Variants in PLAGL1 observed in about 807,000 individuals in gnomAD.
PLAGL1 encodes zinc finger protein PLAGL1.
A neutral mutation model predicts 4.6 loss-of-function variants in PLAGL1; 1 was observed. The observed-to-expected ratio is 0.22, with a 90% CI of 0.08 to 1.03. The LOEUF (loss-of-function observed/expected upper bound fraction) is 1.03, where lower values mean the gene tolerates loss of function less well. Among genes scored for constraint, PLAGL1 ranks in the 50% least tolerant of loss-of-function variants. The probability of loss-of-function intolerance (pLI) is 0.58; values close to 1 mark genes in which losing one functional copy is unlikely to be tolerated. For synonymous variants in PLAGL1, 240 were observed against 237.8 expected, an observed-to-expected ratio of 1.01 and a Z score of -0.08; for missense variants, 464 against 570.4, an observed-to-expected ratio of 0.81 and a Z score of 1.90.
Position 144,000,391 on chromosome 6 carries a change from C to A in PLAGL1, c.-584+7699G>T, listed in dbSNP as rs1317789579. Among the ~76,000 whole-genome samples the A allele has an allele frequency of 6.6e-6, 1 of 152,058 alleles. No homozygotes were observed. Among genetic ancestry groups the A allele is most frequent in the Non-Finnish European group, 1.5e-5 (1 of 67,964 alleles). ...TATAATGTTATTTATGAAGTAGTAA[C>A]TAGCTGGTTAGAAAATAAGAAACTA... is the stretch of plus-strand genomic sequence containing the variant. On this transcript the variant is annotated intron_variant, in intron 1 of 7. Coordinates refer to ENST00000674357, the MANE Select transcript of PLAGL1 (RefSeq NM_001317162.2). This position sits in a 1 kb window ranked among gnomAD's most constrained non-coding sequence, Gnocchi z 4.1.
chr6:143,985,987 T>TATAC lies in PLAGL1; in HGVS notation c.-583-814_-583-813insGTAT, dbSNP rs1789019422. On this transcript the variant is annotated intron_variant, in intron 1 of 7. Coordinates refer to ENST00000674357, the MANE Select transcript of PLAGL1 (RefSeq NM_001317162.2). This position sits in a 1 kb window ranked among gnomAD's most constrained non-coding sequence, Gnocchi z 4.4. ...CAAATTATATATATATAAAATTATA[T>TATAC]ATATATATATATATATATATATATC... Among the ~76,000 whole-genome samples the TATAC allele has an allele frequency of 1.8e-5, 1 of 57,080 alleles. No homozygotes were observed. The highest frequency in any genetic ancestry group is 1.7e-4 in the Admixed American group (1 of 5,914). The allele number at this position is 57,080 out of a possible 152,430, so 37.4% of individuals were successfully genotyped here.
intron 1 of PLAGL1, among the ~76,000 whole-genome samples, chr6:144,038,281 G>T (rs1343226226): frequency 6.6e-6 from 1 of 152,138 alleles, no homozygotes; most frequent in Non-Finnish European, 1.5e-5. Context: ...ACTACATAAG[G>T]TTGCCCTATC....
rs1020967201 is a variant in PLAGL1 at position 144,056,949 on chromosome 6, C to A, written c.-151+7519G>T. ...GTGCTGAGCCACTATGCCTGACTCT[C>A]ATTTCTTTTTAGTGCTAAATAATGT... is the stretch of plus-strand genomic sequence containing the variant. On this transcript the variant is annotated intron_variant, in intron 1 of 3. Transcript: ENST00000437412. This position sits in a 1 kb window ranked among gnomAD's most constrained non-coding sequence, Gnocchi z 4.7. Among the ~76,000 whole-genome samples the A allele has an allele frequency of 6.6e-6, 1 of 152,200 alleles. No individual in the cohort carries two copies. Among genetic ancestry groups the A allele is most frequent in the African/African-American group, 2.4e-5 (1 of 41,434 alleles).
intron 1 of PLAGL1, among the ~76,000 whole-genome samples, chr6:143,993,926 C>T (rs1791093780): frequency 6.6e-6 from 1 of 152,058 alleles, no homozygotes; most frequent in Non-Finnish European, 1.5e-5. Context: ...AGACTATCAG[C>T]TGAAGTCTTA....
intron 1 of PLAGL1, among the ~76,000 whole-genome samples, chr6:144,032,239 GC>G (rs1796887091): frequency 6.7e-6 from 1 of 148,612 alleles, no homozygotes; most frequent in Admixed American, 6.7e-5. Flanking sequence ...TCCTGCCCCA[GC>G]CTCCTGAGTA....
At chr6:144,003,144 G>A (rs552825098) in intron 1 of PLAGL1, among the ~76,000 whole-genome samples, 4 of 151,882 alleles carry the variant, frequency 2.6e-5, no homozygotes, top group African/African-American at 4.8e-5. Flanking sequence ...AAGTCCCCAC[G>A]CAATTCAATG....
rs775550363 is a variant in PLAGL1 at position 144,048,159 on chromosome 6, G to A, written c.-151+16309C>T. Among the ~76,000 whole-genome samples, 7 of 152,210 alleles carry A rather than the reference G, an allele frequency of 4.6e-5. No individual in the cohort carries two copies. Among genetic ancestry groups the A allele is most frequent in the African/African-American group, 1.2e-4 (5 of 41,454 alleles). On this transcript the variant is annotated intron_variant, in intron 1 of 3. Coordinates refer to the PLAGL1 transcript ENST00000437412. The surrounding 1 kb of genome is among the most constrained non-coding windows in gnomAD (Gnocchi z 4.8). ...GCTGATGCAAGAAGTGGGCTCCCAC[G>A]GTCTTGGGCAGCTCTGCCTCTGTGG...
At position 144,038,543 on chromosome 6, in the gene PLAGL1, AT is replaced by A. The variant is rs1290138764; in HGVS notation, c.-151+25924del. 7.9e-5 allele frequency among the ~76,000 whole-genome samples: 12 copies of A among 152,224 alleles called. No individual in the cohort carries two copies. In the East Asian group the frequency reaches 2.1e-3, roughly 27 times the overall value. On this transcript the variant is annotated intron_variant, in intron 1 of 3. Coordinates refer to the PLAGL1 transcript ENST00000437412. ...AAACCCATATGTCTGTACCCAGTAG[AT>A]TTCTGACAAGGATGCCAAGACAATT...
At chr6:144,002,074 A>G (rs912912158) in intron 1 of PLAGL1, among the ~76,000 whole-genome samples, 5 of 152,182 alleles carry the variant, frequency 3.3e-5, no homozygotes, top group Admixed American at 6.5e-5. Flanking sequence ...TGCCAATGTT[A>G]ATTTCTTAAC....
chr6:143,951,370 T>G (rs1583118091), intron 6 of PLAGL1, among the ~76,000 whole-genome samples: 1 of 152,340 alleles, frequency 6.6e-6, no homozygotes, highest in East Asian at 1.9e-4. Flanking sequence ...CTATGGATAC[T>G]ACACCATATC....
chr6:143,986,324 AAGG>A (rs1789158532), intron 1 of PLAGL1, among the ~76,000 whole-genome samples: 1 of 152,158 alleles, frequency 6.6e-6, no homozygotes. Context: ...TGTAAAATGG[AAGG>A]AGTATTTTAT....
chr6:143,973,597 T>C lies in PLAGL1; in HGVS notation c.-543-4619A>G, dbSNP rs1437877003. 6.6e-6 allele frequency among the ~76,000 whole-genome samples: 1 copy of C among 152,196 alleles called. No individual in the cohort carries two copies. Among genetic ancestry groups the C allele is most frequent in the Non-Finnish European group, 1.5e-5 (1 of 68,026 alleles). Reference sequence around the variant, plus strand: ...CTCCATCCTACAACCCTACAAGCGATAGTCTCACTGAACAATCTGCAACTT... The same window carrying C: ...CTCCATCCTACAACCCTACAAGCGACAGTCTCACTGAACAATCTGCAACTT... On this transcript the variant is annotated intron_variant, in intron 2 of 7. Coordinates refer to ENST00000674357, the MANE Select transcript of PLAGL1 (RefSeq NM_001317162.2). This position sits in a 1 kb window ranked among gnomAD's most constrained non-coding sequence, Gnocchi z 6.2.
intron 2 of PLAGL1, among the ~76,000 whole-genome samples, chr6:143,974,303 T>C (rs889211583): frequency 1.3e-5 from 2 of 151,698 alleles, no homozygotes; most frequent in Non-Finnish European, 2.9e-5. Flanking sequence ...AAATAAACAA[T>C]ATTGGAACGA....
chr6:144,023,819 C>T (rs1796145541), intron 1 of PLAGL1, among the ~76,000 whole-genome samples: 1 of 140,868 alleles, frequency 7.1e-6, no homozygotes, highest in African/African-American at 2.8e-5. Flanking sequence ...TTCTGTTGCC[C>T]AGACTGGAGT....
chr6:144,051,470 T>C (rs1029552099), intron 1 of PLAGL1, among the ~76,000 whole-genome samples: 3 of 152,228 alleles, frequency 2.0e-5, no homozygotes, highest in African/African-American at 7.2e-5. Context: ...ACTCCTGTTT[T>C]TTTCACAAAT....
rs1416527981 is a variant in PLAGL1 at position 144,036,437 on chromosome 6, G to A, written c.-151+28031C>T. Among the ~76,000 whole-genome samples, 1 of 152,102 alleles carries A rather than the reference G, an allele frequency of 6.6e-6. No homozygotes were observed. Among genetic ancestry groups the A allele is most frequent in the Non-Finnish European group, 1.5e-5 (1 of 68,018 alleles). ...AGGGGCACATGCTCCACACCAAATGGGCAAAAATTCCACAGCCGAGCCTGC... is the reference window on the plus strand; with the variant it reads ...AGGGGCACATGCTCCACACCAAATGAGCAAAAATTCCACAGCCGAGCCTGC... On this transcript the variant is annotated intron_variant, in intron 1 of 3. Transcript: ENST00000437412. The surrounding 1 kb of genome is among the most constrained non-coding windows in gnomAD (Gnocchi z 5.1).
rs958453143 is a variant in PLAGL1, at chr6:144,059,158, T to C, written c.-151+5310A>G. ...GAAGCTGCCAAGCCTCCTTCATTCC[T>C]GCATTCCATGCACCCACAGGAAGCT... On this transcript the variant is annotated intron_variant, in intron 1 of 3. Coordinates refer to the PLAGL1 transcript ENST00000437412. The surrounding 1 kb of genome is among the most constrained non-coding windows in gnomAD (Gnocchi z 4.9). Among the ~76,000 whole-genome samples the C allele has an allele frequency of 1.3e-5, 2 of 152,258 alleles. No homozygotes were observed. The highest frequency in any genetic ancestry group is 4.8e-5 in the African/African-American group (2 of 41,466).
rs570574819 is a variant in PLAGL1, at chr6:143,997,862, G to A, written c.-584+10228C>T. On this transcript the variant is annotated intron_variant, in intron 1 of 7. Coordinates refer to ENST00000674357, the MANE Select transcript of PLAGL1 (RefSeq NM_001317162.2). This position sits in a 1 kb window ranked among gnomAD's most constrained non-coding sequence, Gnocchi z 4.6. ...AATGTGGTTACACAGGTGTGCGTAT[G>A]TGTGTGTGTGTATAAACTCATCAAG... 1.3e-5 allele frequency among the ~76,000 whole-genome samples: 2 copies of A among 152,050 alleles called. No individual in the cohort carries two copies. The highest frequency in any genetic ancestry group is 1.9e-4 in the East Asian group (1 of 5,184).
In PLAGL1 at chr6:143,957,422, A is replaced by G. The variant is rs895094436; in HGVS notation, c.-325+3047T>C. Among the ~76,000 whole-genome samples, 2 of 152,176 alleles carry G rather than the reference A, an allele frequency of 1.3e-5. No homozygotes were observed. Among genetic ancestry groups the G allele is most frequent in the Admixed American group, 1.3e-4 (2 of 15,280 alleles). On this transcript the variant is annotated intron_variant, in intron 6 of 7. Transcript: ENST00000674357. This position sits in a 1 kb window ranked among gnomAD's most constrained non-coding sequence, Gnocchi z 4.2. ...ATTCCTTTATGATAGCTGAAAATAC[A>G]TCCCCCTCCTCACTCCCTAGAAACC...
Sources: allele counts gnomAD v4.1 joint callset (sites outside exome capture counted in the v4.1 genomes callset), GRCh38; gene constraint gnomAD v4.1.1; non-coding constraint Gnocchi (gnomAD v3.1); transcripts MANE v1.5; gene names NCBI Gene and HGNC (gene_info 2026-07-23, HGNC 2026-07-21).